Variants in IFT88 observed in about 807,000 individuals in gnomAD.
IFT88 encodes the protein intraflagellar transport 88.
IFT88 carries 74 observed loss-of-function variants against 119.5 expected under a neutral mutation model. That is an observed-to-expected ratio of 0.62 (90% CI 0.51 to 0.75). IFT88 has a LOEUF of 0.75. IFT88 is among the 30% of genes least tolerant of loss of function. The pLI is 0.00. For missense variants in IFT88, 961 were observed against 977.7 expected, an observed-to-expected ratio of 0.98 and a Z score of 0.23; for synonymous variants, 279 against 316.7, an observed-to-expected ratio of 0.88 and a Z score of 1.26.
At chr13:20,610,558 A>C (rs2044305670) in intron 13 of IFT88, among the ~76,000 whole-genome samples, 1 of 151,994 alleles carries the variant, frequency 6.6e-6, no homozygotes, top group Non-Finnish European at 1.5e-5. Context: ...CTCCAGGTTT[A>C]ATGAAATCTC....
At chr13:20,592,773 T>TAATTACATAATTATGTGACTTCCATAAG (rs1300370558) in intron 7 of IFT88, among the ~76,000 whole-genome samples, 2,540 of 151,454 alleles carry the variant, frequency 0.017, 75 homozygotes, top group East Asian at 0.095. Context: ...CCAGCTCACA[T>TAATTACATAATTATGTGACTTCCATAAG]AATTACATAA....
At chr13:20,656,229 T>G in intron 21 of IFT88, 136 bp from the exon 22 acceptor site, 1 of 373,444 alleles carries the variant, frequency 2.7e-6, no homozygotes, top group African/African-American at 2.1e-5. Flanking sequence ...CTAAAAGTTA[T>G]ATTAAGTGGT....
At chr13:20,582,488 G>T (rs1278681804) in intron 2 of IFT88, among the ~76,000 whole-genome samples, 1 of 152,086 alleles carries the variant, frequency 6.6e-6, no homozygotes, top group Non-Finnish European at 1.5e-5. Flanking sequence ...TTGGGCAGAT[G>T]GAAATGGCAC....
In IFT88 at chr13:20,590,955, T is replaced by A. The variant is rs764547853; in HGVS notation, c.211-12T>A. Reference sequence around the variant, plus strand: ...TTAGGAATCTTTTTAACTTAACTTTTCTGTTTACTAGTCCAAGACATCTCT... The same window carrying A: ...TTAGGAATCTTTTTAACTTAACTTTACTGTTTACTAGTCCAAGACATCTCT... On this transcript the variant is annotated splice_polypyrimidine_tract_variant and intron_variant, in intron 4 of 25. Coordinates refer to ENST00000351808, the MANE Select transcript of IFT88 (RefSeq NM_006531.5). 2.5e-6 allele frequency: 4 copies of A among 1,591,944 alleles called. No individual in the cohort carries two copies. The highest frequency in any genetic ancestry group is 3.4e-6 in the Non-Finnish European group (4 of 1,166,364).
intron 17 of IFT88, among the ~76,000 whole-genome samples, chr13:20,640,082 G>A (rs931477146): frequency 1.3e-5 from 2 of 151,600 alleles, no homozygotes; most frequent in Admixed American, 6.6e-5. Flanking sequence ...GGGCCACCAC[G>A]CCTGGCCAAA....
chr13:20,634,847 G>A (rs184364516), intron 16 of IFT88, among the ~76,000 whole-genome samples: 30 of 149,818 alleles, frequency 2.0e-4, no homozygotes, highest in Admixed American at 1.3e-3. Context: ...TGTGTACAAC[G>A]TGCAGGTTTG....
At chr13:20,661,218 T>C (rs1317026120) in intron 22 of IFT88, among the ~76,000 whole-genome samples, 1 of 152,154 alleles carries the variant, frequency 6.6e-6, no homozygotes, top group Non-Finnish European at 1.5e-5. Context: ...ATTGACATAA[T>C]TAGGTTTTAC....
intron 20 of IFT88, among the ~76,000 whole-genome samples, chr13:20,652,006 T>C (rs945747151): frequency 6.6e-6 from 1 of 152,166 alleles, no homozygotes; most frequent in Non-Finnish European, 1.5e-5. Context: ...ACATGAAGTG[T>C]CTAAAATGGG....
intron 13 of IFT88, chr13:20,607,318 C>T: frequency 4.2e-6 from 2 of 476,094 alleles, no homozygotes; most frequent in South Asian, 3.5e-5. Context: ...ACTTCGCATC[C>T]CTGTCAGTGC....
intron 14 of IFT88, among the ~76,000 whole-genome samples, chr13:20,617,834 A>G (rs2045873203): frequency 2.0e-5 from 3 of 152,126 alleles, no homozygotes; most frequent in South Asian, 4.1e-4. Flanking sequence ...CACTCTGTCA[A>G]CCAGGCTGGA....
rs1188159483 is a variant in IFT88 at position 20,601,830 on chromosome 13, T to G, written c.938T>G (p.Ile313Ser). 6.2e-7 allele frequency: 1 copy of G among 1,613,320 alleles called. No homozygotes were observed. Among genetic ancestry groups the G allele is most frequent in the Admixed American group, 1.7e-5 (1 of 60,026 alleles). Residue 313 changes from isoleucine to serine, a missense_variant, in exon 12 of 26, where the codon ATC becomes AGC. By Grantham distance (142) the Ile-to-Ser change is moderately radical. Transcript: ENST00000351808. ...CTGAAGGCAGGCTACAACCTAACTA[T>G]CTGTTATTTTGCTATTGGAGACCGA... ...PNLKAGYNLT[I>S]CYFAIGDREK... is the part of the protein sequence containing the mutation.
At chr13:20,624,798 G>A (rs928084251) in intron 14 of IFT88, among the ~76,000 whole-genome samples, 3 of 152,076 alleles carry the variant, frequency 2.0e-5, no homozygotes, top group Admixed American at 6.6e-5. Flanking sequence ...GATATAAAAT[G>A]ATATATATTT....
chr13:20,643,449 C>T lies in IFT88; in HGVS notation c.1683-6C>T. 6.3e-7 allele frequency: 1 copy of T among 1,584,622 alleles called. No individual in the cohort carries two copies. Among genetic ancestry groups the T allele is most frequent in the Non-Finnish European group, 8.5e-7 (1 of 1,170,090 alleles). On this transcript the variant is annotated splice_polypyrimidine_tract_variant and splice_region_variant and intron_variant, in intron 18 of 25. Coordinates refer to ENST00000351808, the MANE Select transcript of IFT88 (RefSeq NM_006531.5). ...AACATGTTTTCCTTAACTGACATTG[C>T]ATAAGATATGAATTAATGGAAAATC...
At chr13:20,578,957 CA>C (rs1210914012) in intron 2 of IFT88, among the ~76,000 whole-genome samples, 1 of 152,158 alleles carries the variant, frequency 6.6e-6, no homozygotes, top group African/African-American at 2.4e-5. Context: ...AACGGTTTGT[CA>C]ATTTTATCTT....
intron 23 of IFT88, among the ~76,000 whole-genome samples, chr13:20,665,479 A>T (rs959295856): frequency 3.3e-5 from 5 of 152,250 alleles, no homozygotes; most frequent in African/African-American, 1.2e-4. Flanking sequence ...TTTTTAAAAA[A>T]TTCTATATGT....
At chr13:20,661,109 T>G (rs184007094) in intron 22 of IFT88, among the ~76,000 whole-genome samples, 4 of 152,318 alleles carry the variant, frequency 2.6e-5, no homozygotes, top group African/African-American at 9.6e-5. Context: ...GACTCACAAA[T>G]AGTTAACTGA....
intron 21 of IFT88, among the ~76,000 whole-genome samples, chr13:20,655,433 C>T (rs1276093060): frequency 3.1e-5 from 4 of 129,072 alleles, no homozygotes; most frequent in African/African-American, 1.1e-4. Context: ...CAGAACAAGA[C>T]TCCATCTCAA....
intron 1 of IFT88, among the ~76,000 whole-genome samples, chr13:20,568,691 A>G (rs1476452482): frequency 6.6e-6 from 1 of 152,132 alleles, no homozygotes; most frequent in Non-Finnish European, 1.5e-5. Flanking sequence ...AAAATATTTT[A>G]TATATCTTTT....
chr13:20,684,194 A>G (rs1355671482), intron 24 of IFT88, among the ~76,000 whole-genome samples: 1 of 152,158 alleles, frequency 6.6e-6, no homozygotes, highest in East Asian at 1.9e-4. Context: ...TCACCTTCTC[A>G]TCTAGCTTGC....
Sources: allele counts gnomAD v4.1 joint callset (sites outside exome capture counted in the v4.1 genomes callset), GRCh38; gene constraint gnomAD v4.1.1; transcripts MANE v1.5; gene names NCBI Gene and HGNC (gene_info 2026-07-23, HGNC 2026-07-21).